The following PAK5 variants were observed in gnomAD, a reference collection of about 807,000 sequenced individuals.
PAK5 encodes the protein p21 (RAC1) activated kinase 5, also known as serine/threonine-protein kinase PAK 5.
PAK5 carries 16 observed loss-of-function variants against 65.9 expected under a neutral mutation model. The observed-to-expected ratio is 0.24, with a 90% CI of 0.16 to 0.37. PAK5 has a LOEUF of 0.37. Among genes scored for constraint, PAK5 ranks in the 10% least tolerant of loss-of-function variants. The probability of loss-of-function intolerance (pLI) is 1.00; values close to 1 mark genes in which losing one functional copy is unlikely to be tolerated. For missense variants in PAK5, 785 were observed against 903.9 expected, an observed-to-expected ratio of 0.87 and a Z score of 1.69; for synonymous variants, 371 against 354.9, an observed-to-expected ratio of 1.05 and a Z score of -0.51.
intron 2 of PAK5, among the ~76,000 whole-genome samples, chr20:9,692,529 C>T (rs1390220797): frequency 6.6e-6 from 1 of 152,058 alleles, no homozygotes; most frequent in Non-Finnish European, 1.5e-5. Flanking sequence ...TTAAGGAGTT[C>T]AACACTAAAG....
intron 1 of PAK5, among the ~76,000 whole-genome samples, chr20:9,831,001 G>C (rs888206613): frequency 6.6e-6 from 1 of 152,164 alleles, no homozygotes; most frequent in Non-Finnish European, 1.5e-5. Context: ...TCATTGGAAA[G>C]GGGTAGTGGG....
At chr20:9,815,447 T>G (rs1289966376) in intron 1 of PAK5, among the ~76,000 whole-genome samples, 1 of 152,088 alleles carries the variant, frequency 6.6e-6, no homozygotes, top group Non-Finnish European at 1.5e-5. Context: ...ATCCCTCCCT[T>G]CTGAAGCAGC....
At chr20:9,573,159 TG>T (rs2045821794) in intron 4 of PAK5, among the ~76,000 whole-genome samples, 1 of 152,132 alleles carries the variant, frequency 6.6e-6, no homozygotes, top group African/African-American at 2.4e-5. Context: ...GACACTTTTT[TG>T]TATACCATAT....
chr20:9,565,975 G>A lies in PAK5; in HGVS notation c.1400C>T (p.Thr467Ile), dbSNP rs950153286. The stretch of plus-strand genomic sequence containing the variant: ...AACTTGTTTCCCTGTGTGTTTCTCG[G>A]TGGCGATGCATACGATGCCGGTTGA... ...EGSTGIVCIA[T>I]EKHTGKQVAV... is the part of the protein sequence containing the mutation. Residue 467 changes from threonine (T) to isoleucine (I), a missense_variant, in exon 5 of 10, where the codon ACC (threonine) becomes ATC (isoleucine). Physicochemically the swap from Thr to Ile is moderately conservative, Grantham distance 89. Coordinates refer to ENST00000353224, the MANE Select transcript of PAK5 (RefSeq NM_177990.4). The A allele has an allele frequency of 6.2e-7, 1 of 1,613,752 alleles. No individual in the cohort carries two copies. Among genetic ancestry groups the A allele is most frequent in the Non-Finnish European group, 8.5e-7 (1 of 1,179,868 alleles).
chr20:9,638,421 G>A (rs1408576806), intron 3 of PAK5, among the ~76,000 whole-genome samples: 2 of 152,194 alleles, frequency 1.3e-5, no homozygotes, highest in Non-Finnish European at 2.9e-5. Flanking sequence ...CTAACTTGTG[G>A]CTTCTGGTTA....
At chr20:9,733,902 A>T (rs1301180568) in intron 1 of PAK5, among the ~76,000 whole-genome samples, 1 of 152,236 alleles carries the variant, frequency 6.6e-6, no homozygotes, top group Non-Finnish European at 1.5e-5. Flanking sequence ...AAGTAAAAAT[A>T]AAAATTAAAA....
chr20:9,762,859 CAACTT>C (rs1206831270), intron 1 of PAK5, among the ~76,000 whole-genome samples: 3 of 152,066 alleles, frequency 2.0e-5, no homozygotes, highest in Non-Finnish European at 4.4e-5. Context: ...GAAACGGAAA[CAACTT>C]AAATGCCCAT....
At chr20:9,737,976 A>G (rs188603328) in intron 1 of PAK5, among the ~76,000 whole-genome samples, 1 of 152,236 alleles carries the variant, frequency 6.6e-6, no homozygotes, top group African/African-American at 2.4e-5. Flanking sequence ...CCCCATCTTT[A>G]CTAAAAATAC....
At chr20:9,595,929 A>G (rs1321735316) in intron 3 of PAK5, among the ~76,000 whole-genome samples, 3 of 151,264 alleles carry the variant, frequency 2.0e-5, no homozygotes, top group Non-Finnish European at 4.4e-5. Context: ...TAGCTTAACT[A>G]TTGATTTTGT....
At chr20:9,580,092 C>A in intron 4 of PAK5, 53 bp downstream of exon 4, 1 of 1,455,378 alleles carries the variant, frequency 6.9e-7, no homozygotes, top group South Asian at 1.3e-5. Flanking sequence ...GTGCCAGCAC[C>A]ACCCCTGTGG....
intron 9 of PAK5, among the ~76,000 whole-genome samples, chr20:9,540,529 C>T (rs980872531): frequency 2.6e-5 from 4 of 152,074 alleles, no homozygotes; most frequent in Non-Finnish European, 4.4e-5. Context: ...GATTCATCTC[C>T]GACGTGTGGC....
At chr20:9,836,932 A>G (rs962180944) in intron 1 of PAK5, among the ~76,000 whole-genome samples, 4 of 152,228 alleles carry the variant, frequency 2.6e-5, no homozygotes, top group Non-Finnish European at 5.9e-5. Flanking sequence ...AAAGCTAAAC[A>G]TAGAAGAGTC....
chr20:9,795,444 T>C (rs1429828527), intron 1 of PAK5, among the ~76,000 whole-genome samples: 2 of 152,082 alleles, frequency 1.3e-5, no homozygotes, highest in Non-Finnish European at 2.9e-5. Flanking sequence ...AATTTGAAAA[T>C]GAGAAGGTGC....
At chr20:9,677,544 T>C (rs2047591599) in intron 2 of PAK5, among the ~76,000 whole-genome samples, 1 of 152,226 alleles carries the variant, frequency 6.6e-6, no homozygotes, top group Admixed American at 6.5e-5. Flanking sequence ...TTGTAAACAC[T>C]CACTAGTTTC....
At chr20:9,641,938 C>T (rs541690820) in intron 3 of PAK5, among the ~76,000 whole-genome samples, 17 of 152,190 alleles carry the variant, frequency 1.1e-4, no homozygotes, top group Middle Eastern at 3.4e-3. Flanking sequence ...CCGCAAGCAC[C>T]GCATGCAGCC....
intron 2 of PAK5, among the ~76,000 whole-genome samples, chr20:9,665,659 T>TTCC (rs1439783369): frequency 7.0e-6 from 1 of 141,974 alleles, no homozygotes. Flanking sequence ...TTTCTTTTCT[T>TTCC]TTCTTTTTTT....
intron 1 of PAK5, among the ~76,000 whole-genome samples, chr20:9,713,089 T>C (rs778332057): frequency 1.3e-5 from 2 of 151,930 alleles, no homozygotes; most frequent in Non-Finnish European, 2.9e-5. Flanking sequence ...CAATCTACAG[T>C]ATGAGAGAAA....
At chr20:9,693,215 G>A (rs2047821452) in intron 2 of PAK5, among the ~76,000 whole-genome samples, 1 of 152,040 alleles carries the variant, frequency 6.6e-6, no homozygotes, top group Admixed American at 6.6e-5. Context: ...TTCAGAAAGG[G>A]GATAAAAGTG....
intron 3 of PAK5, among the ~76,000 whole-genome samples, chr20:9,615,300 C>G (rs960979072): frequency 3.9e-5 from 6 of 152,126 alleles, no homozygotes; most frequent in African/African-American, 1.4e-4. Flanking sequence ...GAAAAGTGAA[C>G]CCTGATGTGA....
Sources: allele counts gnomAD v4.1 joint callset (sites outside exome capture counted in the v4.1 genomes callset), GRCh38; gene constraint gnomAD v4.1.1; transcripts MANE v1.5; gene names NCBI Gene and HGNC (gene_info 2026-07-23, HGNC 2026-07-21).